The following PDGFC variants were observed in gnomAD, a reference collection of about 807,000 sequenced individuals.
The protein encoded by PDGFC is platelet-derived growth factor C.
A neutral mutation model predicts 35.5 loss-of-function variants in PDGFC; 12 were observed. The observed-to-expected ratio is 0.34, with a 90% CI of 0.22 to 0.55. The LOEUF is 0.55. Among genes scored for constraint, PDGFC ranks in the 20% least tolerant of loss-of-function variants. PDGFC has a pLI of 0.91. For missense variants in PDGFC, 322 were observed against 412.4 expected (o/e 0.78, Z 1.90); for synonymous variants, 159 against 148.8 (o/e 1.07, Z -0.50).
intron 1 of PDGFC, among the ~76,000 whole-genome samples, chr4:156,909,761 C>T (rs1730996310): frequency 1.3e-5 from 2 of 152,098 alleles, no homozygotes; most frequent in African/African-American, 2.4e-5. Flanking sequence ...CAAAGATATA[C>T]GTCCAAGTCC....
chr4:156,830,120 C>T (rs945668611), intron 2 of PDGFC, among the ~76,000 whole-genome samples: 7 of 151,710 alleles, frequency 4.6e-5, no homozygotes, highest in South Asian at 2.1e-4. Flanking sequence ...ATTTCAATTA[C>T]TAAGTTGAAA....
At chr4:156,865,954 T>A (rs548290132) in intron 1 of PDGFC, among the ~76,000 whole-genome samples, 23 of 152,332 alleles carry the variant, frequency 1.5e-4, no homozygotes, top group Non-Finnish European at 2.8e-4. Context: ...CTACTTTTTT[T>A]TAAATTTTAT....
intron 1 of PDGFC, among the ~76,000 whole-genome samples, chr4:156,914,700 T>C (rs534336957): frequency 6.6e-6 from 1 of 152,296 alleles, no homozygotes; most frequent in Admixed American, 6.5e-5. Flanking sequence ...ATCCTTTACA[T>C]GACCCAGGGG....
chr4:156,807,456 T>C (rs2110933868), intron 3 of PDGFC, among the ~76,000 whole-genome samples: 1 of 152,132 alleles, frequency 6.6e-6, no homozygotes, highest in Non-Finnish European at 1.5e-5. Context: ...AATAAATATG[T>C]AAAATCTTTA....
chr4:156,779,778 A>G (rs1010770490), intron 3 of PDGFC, among the ~76,000 whole-genome samples: 1 of 152,232 alleles, frequency 6.6e-6, no homozygotes, highest in African/African-American at 2.4e-5. Flanking sequence ...CTGGAGAACC[A>G]TTACTATCTA....
intron 2 of PDGFC, among the ~76,000 whole-genome samples, chr4:156,846,954 CA>C (rs2111072125): frequency 6.6e-6 from 1 of 151,592 alleles, no homozygotes; most frequent in African/African-American, 2.4e-5. Context: ...CGGCTGCAGA[CA>C]GAACAATTTC....
chr4:156,928,266 A>C (rs1731464677), intron 1 of PDGFC, among the ~76,000 whole-genome samples: 1 of 152,012 alleles, frequency 6.6e-6, no homozygotes, highest in Admixed American at 6.6e-5. Flanking sequence ...CGTCTATGTG[A>C]TTTTTTTAAG....
chr4:156,943,108 A>G (rs1009851873), intron 1 of PDGFC, among the ~76,000 whole-genome samples: 7 of 151,990 alleles, frequency 4.6e-5, no homozygotes, highest in East Asian at 1.9e-4. Context: ...TGCTCTACTC[A>G]CTTCTATTTA....
intron 1 of PDGFC, among the ~76,000 whole-genome samples, chr4:156,927,454 G>A (rs1731441639): frequency 6.6e-6 from 1 of 152,072 alleles, no homozygotes; most frequent in Non-Finnish European, 1.5e-5. Context: ...AAAATTGAAT[G>A]CTTTTAACAG....
At chr4:156,842,612 G>A (rs1406385805) in intron 2 of PDGFC, among the ~76,000 whole-genome samples, 9 of 152,040 alleles carry the variant, frequency 5.9e-5, no homozygotes, top group Admixed American at 3.3e-4. Flanking sequence ...CCTAAAAAGG[G>A]AAGTTCAAAT....
intron 1 of PDGFC, among the ~76,000 whole-genome samples, chr4:156,942,345 A>G (rs1477141228): frequency 2.6e-5 from 4 of 152,136 alleles, no homozygotes; most frequent in African/African-American, 9.7e-5. Flanking sequence ...TTCTTTCATG[A>G]TTAAAAAATA....
At chr4:156,790,369 T>G (rs1731261399) in intron 3 of PDGFC, among the ~76,000 whole-genome samples, 1 of 152,084 alleles carries the variant, frequency 6.6e-6, no homozygotes, top group African/African-American at 2.4e-5. Flanking sequence ...AGGAAAGAAC[T>G]TTCTGAAAAC....
At position 156,971,055 on chromosome 4, in the gene PDGFC, A is replaced by C. The variant is rs1029744595; in HGVS notation, c.-152T>G. ...AGAATCGCAGGGTAGTTTCCACATA[A>C]TCCCATCCAAAACTTTTTCCTAGAG... On this transcript the variant is annotated 5_prime_UTR_variant, in exon 1 of 6. Transcript: ENST00000502773. 6.7e-6 allele frequency: 4 copies of C among 597,648 alleles called. No homozygotes were observed. The highest frequency in any genetic ancestry group is 1.9e-5 in the African/African-American group (1 of 53,948). The allele number at this position is 597,648 out of a possible 1,614,324, so 37.0% of individuals were successfully genotyped here.
At chr4:156,878,356 A>T (rs1466068873) in intron 1 of PDGFC, among the ~76,000 whole-genome samples, 1 of 152,204 alleles carries the variant, frequency 6.6e-6, no homozygotes, top group East Asian at 1.9e-4. Flanking sequence ...AGCAAAGTAG[A>T]ATGTAAGCAA....
intron 3 of PDGFC, among the ~76,000 whole-genome samples, chr4:156,779,706 C>G (rs754003122): frequency 6.6e-6 from 1 of 152,102 alleles, no homozygotes; most frequent in Non-Finnish European, 1.5e-5. Context: ...CTAAGTAGAC[C>G]TTCTTACCAA....
intron 1 of PDGFC, among the ~76,000 whole-genome samples, chr4:156,923,893 T>C (rs1023340006): frequency 6.6e-6 from 1 of 151,986 alleles, no homozygotes; most frequent in Non-Finnish European, 1.5e-5. Flanking sequence ...AACAGGGATA[T>C]TGGGGTTTGG....
At chr4:156,970,450 T>G (rs1268579517) in intron 1 of PDGFC, among the ~76,000 whole-genome samples, 2 of 152,250 alleles carry the variant, frequency 1.3e-5, no homozygotes, top group East Asian at 1.9e-4. Context: ...GCTCATTCAT[T>G]TTGGATTCGT....
rs1164250315 is a variant in PDGFC, at chr4:156,850,434, G to C, written c.119-18C>G. 2 of 1,422,580 alleles carry C rather than the reference G, an allele frequency of 1.4e-6. No homozygotes were observed. The allele number at this position is 1,422,580 out of a possible 1,614,324, so 88.1% of individuals were successfully genotyped here. A position where few individuals can be genotyped will look rare whatever the true frequency, so the allele number is the denominator to read the frequency against. Reference sequence around the variant, plus strand: ...TTGTACTCCTAAAGCAAAAAACATAGACATAGACATACATTTAGATTTCAA... The same window carrying C: ...TTGTACTCCTAAAGCAAAAAACATACACATAGACATACATTTAGATTTCAA... On this transcript the variant is annotated intron_variant, in intron 1 of 5. Coordinates refer to ENST00000502773, the MANE Select transcript of PDGFC (RefSeq NM_016205.3).
intron 2 of PDGFC, among the ~76,000 whole-genome samples, chr4:156,843,979 A>G (rs1363261518): frequency 6.6e-6 from 1 of 152,130 alleles, no homozygotes; most frequent in Admixed American, 6.6e-5. Context: ...TTGCCTTGCT[A>G]TTTCTGCTTC....
Sources: gnomAD v4.1 joint callset for allele counts (sites outside exome capture counted in the v4.1 genomes callset) on GRCh38, gnomAD v4.1.1 for gene constraint, MANE v1.5 for transcripts, NCBI Gene and HGNC (gene_info 2026-07-23, HGNC 2026-07-21) for gene names.